SPTBN1: variants seen among roughly 807,000 people sequenced by gnomAD.
SPTBN1 encodes spectrin beta, non-erythrocytic 1.
Under a neutral mutation model 266.4 loss-of-function variants are expected in SPTBN1, and 32 were observed. The observed-to-expected ratio is 0.12, with a 90% confidence interval of 0.09 to 0.16. The LOEUF is 0.16. SPTBN1 is among the 10% of genes least tolerant of loss of function. The pLI is 1.00. For missense variants in SPTBN1, 2,296 were observed against 3,067.1 expected, an observed-to-expected ratio of 0.75 and a Z score of 5.94; for synonymous variants, 1,336 against 1,162.2, an observed-to-expected ratio of 1.15 and a Z score of -3.04.
chr2:54,515,001 G>C (rs1670044101), intron 1 of SPTBN1, among the ~76,000 whole-genome samples: 1 of 152,200 alleles, frequency 6.6e-6, no homozygotes, highest in Non-Finnish European at 1.5e-5. Context: ...GCTGGAGGCT[G>C]CAAGATTCTA....
chr2:54,558,678 G>C lies in SPTBN1; in HGVS notation c.148+32112G>C, dbSNP rs1361767106. On this transcript the variant is annotated intron_variant, in intron 2 of 35. Coordinates refer to ENST00000356805, the MANE Select transcript of SPTBN1 (RefSeq NM_003128.3). This position sits in a 1 kb window ranked among gnomAD's most constrained non-coding sequence, Gnocchi z 4.6. The stretch of plus-strand genomic sequence containing the variant: ...CAGACCGGAATGGGGCTCGCCTAAG[G>C]AGCCGAGCGCTGCGGAGGCTGCTGC... 6.5e-7 allele frequency: 1 copy of C among 1,532,878 alleles called. No homozygotes were observed. Among genetic ancestry groups the C allele is most frequent in the Non-Finnish European group, 8.8e-7 (1 of 1,136,690 alleles). The allele number at this position is 1,532,878 out of a possible 1,614,324, so 95.0% of individuals were successfully genotyped here.
At chr2:54,559,859 A>C (rs1673164373) in intron 2 of SPTBN1, among the ~76,000 whole-genome samples, 1 of 152,024 alleles carries the variant, frequency 6.6e-6, no homozygotes, top group Non-Finnish European at 1.5e-5. Context: ...TGTGAGGAGG[A>C]GGAAGGAAGG....
chr2:54,641,081 A>T (rs1028003400), intron 18 of SPTBN1, among the ~76,000 whole-genome samples: 5 of 152,196 alleles, frequency 3.3e-5, no homozygotes, highest in Non-Finnish European at 7.3e-5. Flanking sequence ...TCCAGTCTGC[A>T]CAGTGTTCTT....
At chr2:54,609,500 G>A (rs1402289064) in intron 3 of SPTBN1, among the ~76,000 whole-genome samples, 1 of 152,188 alleles carries the variant, frequency 6.6e-6, no homozygotes, top group Non-Finnish European at 1.5e-5. Flanking sequence ...ATCTTCAGTG[G>A]TGTAGTCCTC....
In SPTBN1 at chr2:54,589,258, G is replaced by A. The variant is rs147781808; in HGVS notation, c.149-9834G>A. On this transcript the variant is annotated intron_variant, in intron 2 of 35. Transcript: ENST00000356805. Reference sequence around the variant, plus strand: ...CCAGAGTCTTGGCTTCTTATGGATTGTGACTTTATGCGGCTCACCTTGACG... The same window carrying A: ...CCAGAGTCTTGGCTTCTTATGGATTATGACTTTATGCGGCTCACCTTGACG... Among the ~76,000 whole-genome samples the A allele has an allele frequency of 2.7e-3, 412 of 152,322 alleles. 1 individual carries two copies. Among genetic ancestry groups the A allele is most frequent in the African/African-American group, 9.4e-3 (391 of 41,566 alleles).
intron 2 of SPTBN1, among the ~76,000 whole-genome samples, chr2:54,594,833 CTTT>C (rs71408777): frequency 2.4e-4 from 25 of 104,712 alleles, no homozygotes; most frequent in African/African-American, 9.6e-4. Context: ...TGGTAAGTTT[CTTT>C]TTTTTTTTTT....
chr2:54,670,374 T>C lies in SPTBN1; in HGVS notation c.*1805T>C, dbSNP rs999659135. On this transcript the variant is annotated 3_prime_UTR_variant, in exon 36 of 36. Coordinates refer to ENST00000356805, the MANE Select transcript of SPTBN1 (RefSeq NM_003128.3). ...AAAGCAGCAATGGATATTAGTATTA[T>C]GGATGTCCAGTAAGTTATTCCACAA... 1.6e-5 allele frequency: 4 copies of C among 249,108 alleles called. No homozygotes were observed. Among genetic ancestry groups the C allele is most frequent in the African/African-American group, 2.2e-5 (1 of 45,380 alleles). 15.4% of individuals were successfully genotyped at this position (249,108 alleles called of 1,614,324 possible). A position where few individuals can be genotyped will look rare whatever the true frequency, so the allele number is the denominator to read the frequency against.
At chr2:54,631,790 G>T (rs1218127536) in intron 16 of SPTBN1, among the ~76,000 whole-genome samples, 179 bp downstream of exon 16, 2 of 152,192 alleles carry the variant, frequency 1.3e-5, no homozygotes, top group South Asian at 2.1e-4. Context: ...CGTTGTAGGG[G>T]ACAGGAATTG....
chr2:54,588,315 C>T (rs1442047323), intron 2 of SPTBN1, among the ~76,000 whole-genome samples: 1 of 152,094 alleles, frequency 6.6e-6, no homozygotes, highest in Non-Finnish European at 1.5e-5. Flanking sequence ...TCTTTTAACT[C>T]AGTCTGAAGG....
At chr2:54,519,889 C>G (rs968198872) in intron 1 of SPTBN1, among the ~76,000 whole-genome samples, 1 of 152,046 alleles carries the variant, frequency 6.6e-6, no homozygotes, top group Non-Finnish European at 1.5e-5. Flanking sequence ...TGAAAGGTGA[C>G]TGCGAAGGTT....
chr2:54,646,314 G>C lies in SPTBN1; in HGVS notation c.4705G>C (p.Asp1569His). The C allele has an allele frequency of 6.2e-7, 1 of 1,614,172 alleles. No homozygotes were observed. The highest frequency in any genetic ancestry group is 8.5e-7 in the Non-Finnish European group (1 of 1,180,042). The change falls in exon 23 of 36, where the codon GAC (aspartate) becomes CAC (histidine). Residue 1569 changes from aspartate (D) to histidine (H), a missense_variant. By Grantham distance (81) the Asp-to-His change is moderately conservative. Around this residue, in one of 12 missense-constraint regions of SPTBN1, gnomAD observed 644 missense variants for 745.3 expected, o/e 0.86. Transcript: ENST00000356805. This position sits in a 1 kb window ranked among gnomAD's most constrained non-coding sequence, Gnocchi z 4.4. ...TGAGGCCATCAGACAGAGGCTTGCC[G>C]ACCTGAAGCAGCTGTGGGGTCTCCT... The part of the protein sequence containing the change: ...SAEAIRQRLA[D>H]LKQLWGLLIE...
At chr2:54,595,861 C>T (rs368270732) in intron 2 of SPTBN1, among the ~76,000 whole-genome samples, 2 of 152,308 alleles carry the variant, frequency 1.3e-5, no homozygotes, top group East Asian at 3.9e-4. Context: ...CCAGTAGCAT[C>T]TACCCATGAA....
intron 8 of SPTBN1, among the ~76,000 whole-genome samples, chr2:54,622,037 C>T (rs1265732828): frequency 6.6e-6 from 1 of 152,142 alleles, no homozygotes; most frequent in Admixed American, 6.5e-5. Context: ...TTCAGAATCT[C>T]TTTGCTTGGG....
chr2:54,492,518 T>C (rs958469191), intron 1 of SPTBN1, among the ~76,000 whole-genome samples: 1 of 152,206 alleles, frequency 6.6e-6, no homozygotes, highest in Non-Finnish European at 1.5e-5. Flanking sequence ...GTGACCTCAC[T>C]GCAGGTGGTG....
At chr2:54,547,569 C>T (rs1190524121) in intron 2 of SPTBN1, among the ~76,000 whole-genome samples, 6 of 152,170 alleles carry the variant, frequency 3.9e-5, no homozygotes, top group African/African-American at 1.4e-4. Context: ...CATTTACATT[C>T]CTACCAACAG....
chr2:54,572,680 A>T (rs1674171483), intron 2 of SPTBN1, among the ~76,000 whole-genome samples: 1 of 152,156 alleles, frequency 6.6e-6, no homozygotes, highest in South Asian at 2.1e-4. Flanking sequence ...CTACAAATAT[A>T]CATATATGAT....
At chr2:54,487,091 A>T (rs893184456) in intron 1 of SPTBN1, among the ~76,000 whole-genome samples, 1 of 151,256 alleles carries the variant, frequency 6.6e-6, no homozygotes, top group African/African-American at 2.4e-5. Flanking sequence ...CTTTGGTATT[A>T]GGTAATATAC....
At chr2:54,650,664 TTGAG>T (rs1156418341) in intron 26 of SPTBN1, among the ~76,000 whole-genome samples, 1 of 152,252 alleles carries the variant, frequency 6.6e-6, no homozygotes, top group African/African-American at 2.4e-5. Flanking sequence ...TAAGAGTATA[TTGAG>T]TATCTAAGTT....
Position 54,612,343 on chromosome 2 carries a change from C to A in SPTBN1, c.474+9C>A. The A allele has an allele frequency of 1.2e-6, 2 of 1,609,074 alleles. No homozygotes were observed. The highest frequency in any genetic ancestry group is 1.7e-6 in the Non-Finnish European group (2 of 1,176,884). On this transcript the variant is annotated intron_variant, in intron 4 of 35. Transcript: ENST00000356805. ...TCATCCTGCGCTTCCAGGTAAGGGT[C>A]TCTGCCCAGGGTTGCTCAGAACTTA...
Sources: allele counts gnomAD v4.1 joint callset (sites outside exome capture counted in the v4.1 genomes callset), GRCh38; gene constraint gnomAD v4.1.1; regional missense constraint gnomAD v4.1.1; non-coding constraint Gnocchi (gnomAD v3.1); transcripts MANE v1.5; gene names NCBI Gene and HGNC (gene_info 2026-07-23, HGNC 2026-07-21).